The following ANK2 variants were observed in gnomAD, a reference collection of about 807,000 sequenced individuals.
The protein encoded by ANK2 is ankyrin-2.
ANK2 carries 83 observed loss-of-function variants against 360.5 expected under a neutral mutation model. The ratio of observed to expected loss-of-function variants is 0.23; its 90% CI spans 0.19 to 0.28. The LOEUF is 0.28. Ranked by LOEUF, ANK2 falls within the 10% of genes least tolerant of loss-of-function variation. The pLI is 1.00. For missense variants in ANK2, 4,201 were observed against 4,795.7 expected, an observed-to-expected ratio of 0.88 and a Z score of 3.66; for synonymous variants, 1,740 against 1,759.5, an observed-to-expected ratio of 0.99 and a Z score of 0.28.
intron 1 of ANK2, among the ~76,000 whole-genome samples, chr4:113,143,427 CT>C (rs1225677766): frequency 3.3e-5 from 5 of 152,136 alleles, no homozygotes; most frequent in Non-Finnish European, 7.3e-5. Context: ...TTAAATATTC[CT>C]TTTCCATGTG....
At chr4:113,225,616 C>A (rs2099209831) in intron 4 of ANK2, among the ~76,000 whole-genome samples, 1 of 151,914 alleles carries the variant, frequency 6.6e-6, no homozygotes, top group African/African-American at 2.4e-5. Flanking sequence ...AGTTCTTATC[C>A]AAAACATTGG....
At position 113,383,511 on chromosome 4, in the gene ANK2, TTTGA is replaced by T. The variant is rs561375466; in HGVS notation, c.*2043_*2046del. ...ACAACATAATGGTTATTCACCTTTT[TTTGA>T]TTTTGATTTTTGCTGTGTTATCAAA... On this transcript the variant is annotated 3_prime_UTR_variant, in exon 46 of 46. Coordinates refer to ENST00000357077, the MANE Select transcript of ANK2 (RefSeq NM_001148.6). 4 of 152,806 alleles carry T rather than the reference TTTGA, an allele frequency of 2.6e-5. No individual in the cohort carries two copies. Among genetic ancestry groups the T allele is most frequent in the African/African-American group, 9.6e-5 (4 of 41,586 alleles). The allele number at this position is 152,806 out of a possible 1,614,324, so 9.5% of individuals were successfully genotyped here.
intron 1 of ANK2, among the ~76,000 whole-genome samples, chr4:113,132,660 G>T (rs925661843): frequency 6.6e-6 from 1 of 152,104 alleles, no homozygotes; most frequent in African/African-American, 2.4e-5. Flanking sequence ...GAAGAGAACT[G>T]ATCTAGAGTA....
At chr4:113,091,799 G>A (rs2088320777) in intron 1 of ANK2, among the ~76,000 whole-genome samples, 1 of 152,198 alleles carries the variant, frequency 6.6e-6, no homozygotes, top group Admixed American at 6.5e-5. Context: ...TTATAGTCTT[G>A]TTTTATAGAT....
intron 24 of ANK2, among the ~76,000 whole-genome samples, chr4:113,316,640 G>A (rs1383063868): frequency 6.6e-6 from 1 of 151,954 alleles, no homozygotes; most frequent in Non-Finnish European, 1.5e-5. Context: ...TTTCCCTTAT[G>A]GGCTTTGGGC....
At chr4:113,361,645 TA>T (rs2096234949) in intron 39 of ANK2, among the ~76,000 whole-genome samples, 1 of 151,158 alleles carries the variant, frequency 6.6e-6, no homozygotes, top group Admixed American at 6.6e-5. Context: ...TAGGAGCCCA[TA>T]ATACTCATAA....
intron 43 of ANK2, among the ~76,000 whole-genome samples, chr4:113,370,123 A>C (rs1253832261): frequency 6.6e-6 from 1 of 152,208 alleles, no homozygotes; most frequent in South Asian, 2.1e-4. Context: ...AAACTTGGGC[A>C]TGAAACCTGG....
intron 2 of ANK2, among the ~76,000 whole-genome samples, chr4:113,186,586 CT>C (rs759656387): frequency 0.11 from 5,539 of 48,510 alleles, 536 homozygotes; most frequent in African/African-American, 0.29. Flanking sequence ...CTCTCTCTCT[CT>C]TCTCTCTCTC....
chr4:113,313,031 T>G (rs2080928372), intron 24 of ANK2, among the ~76,000 whole-genome samples: 2 of 152,152 alleles, frequency 1.3e-5, no homozygotes, highest in Non-Finnish European at 2.9e-5. Flanking sequence ...TCAGATTTCA[T>G]GATGAATTTC....
intron 1 of ANK2, among the ~76,000 whole-genome samples, chr4:112,828,449 G>A (rs1444889148): frequency 6.6e-6 from 1 of 152,080 alleles, no homozygotes; most frequent in Non-Finnish European, 1.5e-5. Context: ...TGGCCAGGCT[G>A]GTGTTGAATT....
intron 1 of ANK2, chr4:112,826,884 A>G: frequency 6.7e-7 from 1 of 1,502,088 alleles, no homozygotes; most frequent in Non-Finnish European, 9.3e-7. Context: ...TGTGACTTCT[A>G]TGGCAGGGGT....
At chr4:113,158,469 A>C (rs2097383943) in intron 1 of ANK2, among the ~76,000 whole-genome samples, 1 of 152,144 alleles carries the variant, frequency 6.6e-6, no homozygotes, top group African/African-American at 2.4e-5. Flanking sequence ...GAGGAAACTC[A>C]ATTACTAATA....
chr4:113,164,617 G>T (rs147951397), intron 1 of ANK2, among the ~76,000 whole-genome samples: 1 of 152,164 alleles, frequency 6.6e-6, no homozygotes, highest in Non-Finnish European at 1.5e-5. Flanking sequence ...ATAAAAATGT[G>T]GTGCCTACCT....
At chr4:113,184,751 C>A (rs926243195) in intron 2 of ANK2, among the ~76,000 whole-genome samples, 7 of 151,922 alleles carry the variant, frequency 4.6e-5, no homozygotes, top group African/African-American at 1.7e-4. Context: ...GATACATGTG[C>A]AGAACGTGCA....
chr4:113,298,523 T>C (rs1480692794), intron 22 of ANK2, among the ~76,000 whole-genome samples: 2 of 152,296 alleles, frequency 1.3e-5, no homozygotes, highest in South Asian at 2.1e-4. Flanking sequence ...AATCAGATAT[T>C]GACTACTATT....
At chr4:113,041,242 C>G (rs527887172) in intron 2 of ANK2, among the ~76,000 whole-genome samples, 1 of 152,048 alleles carries the variant, frequency 6.6e-6, no homozygotes, top group African/African-American at 2.4e-5. Context: ...GTCTAAATCC[C>G]GAATCCTTAA....
At chr4:112,953,738 C>T (rs780738196) in intron 2 of ANK2, among the ~76,000 whole-genome samples, 7 of 152,108 alleles carry the variant, frequency 4.6e-5, no homozygotes, top group African/African-American at 1.7e-4. Context: ...TTTGCCTTGT[C>T]GGCACTAAAT....
At position 113,358,476 on chromosome 4, in the gene ANK2, G is replaced by A. The variant is rs1458821529; in HGVS notation, c.9858G>A (p.Glu3286=). Residue 3286 remains glutamate (E), a synonymous_variant, in exon 38 of 46, where the codon GAG becomes GAA. Transcript: ENST00000357077. The stretch of plus-strand genomic sequence containing the variant: ...CAGAAGAACAGAAATCAGTAATCGA[G>A]ATTCCTACTGCACCCATGGAGAATG... ...SSPEEQKSVI[E]IPTAPMENVP... is the part of the protein sequence containing the mutation. 1.2e-6 allele frequency: 2 copies of A among 1,613,956 alleles called. No individual in the cohort carries two copies. The highest frequency in any genetic ancestry group is 1.7e-6 in the Non-Finnish European group (2 of 1,179,968).
In ANK2 at chr4:113,356,995, C is replaced by A. The variant is rs774268252; in HGVS notation, c.8377C>A (p.Leu2793Ile). Residue 2793 changes from leucine to isoleucine, a missense_variant, in exon 38 of 46, where the codon CTA (leucine) becomes ATA (isoleucine). Around this residue, in one of 4 missense-constraint regions of ANK2, gnomAD observed 2,642 missense variants for 2,714.5 expected, o/e 0.97. Transcript: ENST00000357077. ...SSSAAPVSSG[L>I]QSPTGDDVDE... ...CTCAGCTGCTCCTGTCTCTTCAGGT[C>A]TACAGAGTCCGACTGGTGATGATGT... 2.5e-6 allele frequency: 4 copies of A among 1,614,006 alleles called. No homozygotes were observed. The highest frequency in any genetic ancestry group is 3.4e-6 in the Non-Finnish European group (4 of 1,179,960).
Sources: gnomAD v4.1 joint callset for allele counts (sites outside exome capture counted in the v4.1 genomes callset) on GRCh38, gnomAD v4.1.1 for gene constraint, gnomAD v4.1.1 regional missense constraint, MANE v1.5 for transcripts, NCBI Gene and HGNC (gene_info 2026-07-23, HGNC 2026-07-21) for gene names.